KMT2C: variants seen among roughly 807,000 people sequenced by gnomAD.
KMT2C encodes lysine methyltransferase 2C.
A neutral mutation model predicts 507.9 loss-of-function variants in KMT2C; 88 were observed. That is an observed-to-expected ratio of 0.17 (90% CI 0.15 to 0.21). The LOEUF (loss-of-function observed/expected upper bound fraction) is 0.21, where lower values mean the gene tolerates loss of function less well. KMT2C is among the 10% of genes least tolerant of loss of function. The pLI is 1.00. For synonymous variants in KMT2C, 2,049 were observed against 2,080.8 expected (o/e 0.98, Z 0.42); for missense variants, 4,954 against 5,957.8 (o/e 0.83, Z 5.55).
chr7:152,288,229 T>TAAA (rs36047379), intron 6 of KMT2C, among the ~76,000 whole-genome samples: 6 of 121,142 alleles, frequency 5.0e-5, no homozygotes, highest in Non-Finnish European at 9.0e-5. Context: ...TGAACTGATT[T>TAAA]AAAAAAAAAA....
In KMT2C at chr7:152,246,393, A is replaced by C. The variant is rs189269634; in HGVS notation, c.2532+1509T>G. ...GGAATCAAAGACAGCTCAGCAAAAT[A>C]CTAGGACATGGCTCATATAAGATGG... is the stretch of plus-strand genomic sequence containing the variant. On this transcript the variant is annotated intron_variant, in intron 14 of 58. Transcript: ENST00000262189. Among the ~76,000 whole-genome samples, 336 of 152,224 alleles carry C rather than the reference A, an allele frequency of 2.2e-3. 3 individuals carry two copies. Among genetic ancestry groups the C allele is most frequent in the Middle Eastern group, 0.01 (3 of 294 alleles).
At chr7:152,400,324 A>C (rs2097564900) in intron 1 of KMT2C, among the ~76,000 whole-genome samples, 1 of 152,218 alleles carries the variant, frequency 6.6e-6, no homozygotes, top group Admixed American at 6.5e-5. Context: ...AATAAAAAAA[A>C]GAAAGATCAC....
intron 31 of KMT2C, among the ~76,000 whole-genome samples, chr7:152,190,477 G>C (rs2093759067): frequency 6.6e-6 from 1 of 152,132 alleles, no homozygotes; most frequent in Non-Finnish European, 1.5e-5. Flanking sequence ...CACTGAAATA[G>C]GTTATTATGT....
chr7:152,187,438 G>A lies in KMT2C; in HGVS notation c.4832C>T (p.Pro1611Leu), dbSNP rs746430166. The change falls in exon 33 of 59, where the codon CCT becomes CTT. Residue 1611 changes from proline to leucine, a missense_variant. Pro to Leu is a moderately conservative substitution (Grantham distance 98). This residue lies in a region of KMT2C where 195 missense variants were observed against 183.7 expected (regional missense o/e 1.06). Transcript: ENST00000262189. ...NSAFNPMASD[P>L]NNSWTSSAPT... ...AGCTGATGATGTCCAAGAGTTGTTAGGATCACTTGCCATTGGATTAAAGGC... is the reference window on the plus strand; with the variant it reads ...AGCTGATGATGTCCAAGAGTTGTTAAGATCACTTGCCATTGGATTAAAGGC... The A allele has an allele frequency of 6.2e-7, 1 of 1,613,872 alleles. No individual in the cohort carries two copies. The highest frequency in any genetic ancestry group is 1.7e-5 in the Admixed American group (1 of 59,994).
chr7:152,262,602 C>T (rs1317297751), intron 9 of KMT2C, among the ~76,000 whole-genome samples: 1 of 152,162 alleles, frequency 6.6e-6, no homozygotes, highest in Non-Finnish European at 1.5e-5. Context: ...ATCTCCAGCA[C>T]TCAGTAATAA....
At chr7:152,397,290 G>GGTACAAGCAATTCTCTCCT (rs1396197498) in intron 1 of KMT2C, among the ~76,000 whole-genome samples, 1 of 151,678 alleles carries the variant, frequency 6.6e-6, no homozygotes, top group Non-Finnish European at 1.5e-5. Flanking sequence ...CCACCTCCCA[G>GGTACAAGCAATTCTCTCCT]GTACAAGCAA....
chr7:152,165,680 ATTT>A (rs575568284), intron 42 of KMT2C, among the ~76,000 whole-genome samples: 1 of 151,718 alleles, frequency 6.6e-6, no homozygotes, highest in African/African-American at 2.4e-5. Flanking sequence ...ATTTTTTGGG[ATTT>A]TTTTTGTTTT....
rs2092254613 is a variant in KMT2C at position 152,158,669 on chromosome 7, C to T, written c.11670+194G>A. Among the ~76,000 whole-genome samples the T allele has an allele frequency of 2.0e-5, 3 of 152,112 alleles. No individual in the cohort carries two copies. In the South Asian group the frequency reaches 6.2e-4, roughly 32 times the overall value. On this transcript the variant is annotated intron_variant, in intron 44 of 58. Transcript: ENST00000262189. The stretch of plus-strand genomic sequence containing the variant: ...TAGCTGGAATTACAGGCGTGTACCA[C>T]CACGCCCAGTAAATGTTTGTATTTT...
intron 23 of KMT2C, among the ~76,000 whole-genome samples, chr7:152,219,529 T>TG (rs767420698): frequency 3.9e-5 from 6 of 151,914 alleles, no homozygotes; most frequent in South Asian, 2.1e-4. Context: ...AAGGATCACT[T>TG]GAGCCCAGGA....
intron 18 of KMT2C, among the ~76,000 whole-genome samples, chr7:152,228,236 A>C (rs1563487169): frequency 1.3e-5 from 2 of 152,198 alleles, no homozygotes; most frequent in Non-Finnish European, 2.9e-5. Flanking sequence ...CATAAACAAA[A>C]ACTATGGAGT....
intron 1 of KMT2C, chr7:152,367,714 A>G (rs868734573): frequency 1.1e-5 from 14 of 1,250,106 alleles, no homozygotes; most frequent in Middle Eastern, 5.3e-4. Flanking sequence ...GATGTAGTGG[A>G]TAATAGTAAT....
rs771444390 is a variant in KMT2C, at chr7:152,220,714, T to C, written c.3521A>G (p.Gln1174Arg). ...KELDPPKTYTQDGVCLTESGM... is the reference protein window; with the variant it reads ...KELDPPKTYTRDGVCLTESGM... ...TGATTCAGTCAAACACACACCATCC[T>C]GGGTATAAGTCTTGGGTGGGTCTAA... Residue 1174 changes from glutamine to arginine, a missense_variant, in exon 23 of 59, where the codon CAG becomes CGG. Gln to Arg is a conservative substitution (Grantham distance 43). This residue lies in a region of KMT2C where 176 missense variants were observed against 262.0 expected (regional missense o/e 0.67). Coordinates refer to ENST00000262189, the MANE Select transcript of KMT2C (RefSeq NM_170606.3). The C allele has an allele frequency of 6.2e-7, 1 of 1,609,478 alleles. No individual in the cohort carries two copies. The highest frequency in any genetic ancestry group is 8.5e-7 in the Non-Finnish European group (1 of 1,177,534).
chr7:152,290,286 ATATATATATTTTTTTTTTT>A (rs2096400747), intron 6 of KMT2C, among the ~76,000 whole-genome samples: 3 of 33,824 alleles, frequency 8.9e-5, no homozygotes, highest in African/African-American at 4.5e-4. Context: ...ATATATATAT[ATATATATATTTTTTTTTTT>A]TTTTTTTTTT....
intron 3 of KMT2C, among the ~76,000 whole-genome samples, chr7:152,325,214 C>T (rs60414354): frequency 0.038 from 5,681 of 149,654 alleles, 289 homozygotes; most frequent in African/African-American, 0.11. Context: ...TGCAATGGTG[C>T]GATCTTGGCT....
chr7:152,298,214 A>G (rs1212895932), intron 6 of KMT2C, among the ~76,000 whole-genome samples: 8 of 152,166 alleles, frequency 5.3e-5, no homozygotes, highest in Non-Finnish European at 8.8e-5. Context: ...AAGGAGAAAA[A>G]AGAGGAAGAG....
chr7:152,199,475 C>A lies in KMT2C; in HGVS notation c.4093-16G>T, dbSNP rs371093126. 3.3e-5 allele frequency: 50 copies of A among 1,495,130 alleles called. No homozygotes were observed. In the African/African-American group the frequency reaches 6.5e-4, roughly 20 times the overall value. The allele number at this position is 1,495,130 out of a possible 1,614,324, so 92.6% of individuals were successfully genotyped here. A position where few individuals can be genotyped will look rare whatever the true frequency, so the allele number is the denominator to read the frequency against. ...AGAAAGCTTCCTAGATGAAGATAAG[C>A]ACATACAAAAATGGTTAGAAAATTC... is the stretch of plus-strand genomic sequence containing the variant. On this transcript the variant is annotated splice_polypyrimidine_tract_variant and intron_variant, in intron 26 of 58. Transcript: ENST00000262189.
intron 4 of KMT2C, 127 bp from the exon 5 acceptor site, chr7:152,312,073 C>T (rs1006634940): frequency 4.8e-6 from 3 of 630,098 alleles, no homozygotes; most frequent in African/African-American, 1.8e-5. Context: ...CATAAAACAA[C>T]TTTTAGAATT....
At chr7:152,409,108 G>C (rs1209204010) in intron 1 of KMT2C, among the ~76,000 whole-genome samples, 1 of 151,660 alleles carries the variant, frequency 6.6e-6, no homozygotes, top group South Asian at 2.1e-4. Context: ...AGCTCAACCT[G>C]ATCCTTCCAC....
At chr7:152,341,702 A>G (rs1373326434) in intron 2 of KMT2C, among the ~76,000 whole-genome samples, 2 of 152,206 alleles carry the variant, frequency 1.3e-5, no homozygotes, top group Non-Finnish European at 1.5e-5. Flanking sequence ...TTATCCAAAG[A>G]AAAACCTGAT....
Sources: gnomAD v4.1 joint callset for allele counts (sites outside exome capture counted in the v4.1 genomes callset) on GRCh38, gnomAD v4.1.1 for gene constraint, gnomAD v4.1.1 regional missense constraint, MANE v1.5 for transcripts, NCBI Gene and HGNC (gene_info 2026-07-23, HGNC 2026-07-21) for gene names.